Variants in TTN observed in about 807,000 individuals in gnomAD.
The protein encoded by TTN is titin, also known as connectin.
In TTN, 1,525 loss-of-function variants were observed where a neutral mutation model predicts 3,223.0. The ratio of observed to expected loss-of-function variants is 0.47; its 90% CI spans 0.45 to 0.49. The LOEUF (loss-of-function observed/expected upper bound fraction) is 0.49, where lower values mean the gene tolerates loss of function less well. TTN is among the 20% of genes least tolerant of loss of function. The probability of loss-of-function intolerance (pLI) is 0.00; values close to 1 mark genes in which losing one functional copy is unlikely to be tolerated. For missense variants in TTN, 40,786 were observed against 43,424.0 expected (o/e 0.94, Z 5.40); for synonymous variants, 14,094 against 15,161.0 (o/e 0.93, Z 5.17).
chr2:178,612,620 A>G (rs775592598), intron 265 of TTN, 44 bp from the exon 266 acceptor site: 4 of 1,571,984 alleles, frequency 2.5e-6, no homozygotes, highest in Non-Finnish European at 3.4e-6. Context: ...TTTTTTTATT[A>G]CCCAATAGTC....
intron 98 of TTN, 102 bp from the exon 99 acceptor site, chr2:178,709,958 A>C (rs2076418896): frequency 8.3e-7 from 1 of 1,207,960 alleles, no homozygotes. Flanking sequence ...TTAAAAATCA[A>C]GGCTAACCAA....
At chr2:178,682,606 A>C in intron 135 of TTN, 91 bp downstream of exon 135, 3 of 1,288,440 alleles carry the variant, frequency 2.3e-6, no homozygotes, top group Non-Finnish European at 3.1e-6. Flanking sequence ...TTGGGTATCC[A>C]AATTTTTATC....
chr2:178,724,422 C>T lies in TTN; in HGVS notation c.20953G>A (p.Gly6985Arg), dbSNP rs1451519377. 6.2e-7 allele frequency: 1 copy of T among 1,613,478 alleles called. No homozygotes were observed. Residue 6985 changes from glycine to arginine, a missense_variant, in exon 72 of 363, where the codon GGA becomes AGA. By Grantham distance (125) the Gly-to-Arg change is moderately radical. Transcript: ENST00000589042. ...TTTTGGCTGCTGGTCAACAGCTTTC[C>T]ATCCTTGTACCATTCAACAGAGAGT... Reference protein sequence around the residue: ...PELSVEWYKDGKLLTSSQKHK... With the variant: ...PELSVEWYKDRKLLTSSQKHK...
intron 9 of TTN, 147 bp from the exon 10 acceptor site, chr2:178,792,344 C>T: frequency 1.3e-6 from 1 of 793,736 alleles, no homozygotes; most frequent in Non-Finnish European, 1.9e-6. Context: ...ATCCCATGTT[C>T]ATAAATAAGA....
rs778236151 is a variant in TTN at position 178,589,031 on chromosome 2, A to C, written c.62694T>G (p.Asn20898Lys). 6.2e-7 allele frequency: 1 copy of C among 1,609,950 alleles called. No homozygotes were observed. The highest frequency in any genetic ancestry group is 8.5e-7 in the Non-Finnish European group (1 of 1,179,476). The change falls in exon 304 of 363, where the codon AAT becomes AAG. Residue 20898 changes from asparagine to lysine, a missense_variant. By Grantham distance (94) the Asn-to-Lys change is moderately conservative. Coordinates refer to ENST00000589042, the MANE Select transcript of TTN (RefSeq NM_001267550.2). Reference protein sequence around the residue: ...PEDDGGCEIQNYILEKCETKR... With the variant: ...PEDDGGCEIQKYILEKCETKR... ...TTGTCTCACATTTTTCTAGAATATA[A>C]TTTTGGATTTCACAGCCACCATCAT...
At chr2:178,690,213 A>G (rs1320789994) in intron 121 of TTN, among the ~76,000 whole-genome samples, 2 of 152,230 alleles carry the variant, frequency 1.3e-5, no homozygotes, top group Non-Finnish European at 1.5e-5. Flanking sequence ...GAATGTGGAT[A>G]TGGTATATAG....
chr2:178,608,458 A>C lies in TTN; in HGVS notation c.52425T>G (p.Asp17475Glu), dbSNP rs1176767614. Reference protein sequence around the residue: ...KDPFGPPDAPDKPIVEDVTSN... With the variant: ...KDPFGPPDAPEKPIVEDVTSN... ...TGGTAACATCTTCCACAATGGGCTT[A>C]TCTGGTGCATCAGGTGGTCCTGATA... is the stretch of plus-strand genomic sequence containing the variant. The change falls in exon 275 of 363, where the codon GAT (aspartate) becomes GAG (glutamate). Residue 17475 changes from aspartate to glutamate, a missense_variant. Asp to Glu is a conservative substitution (Grantham distance 45). Coordinates refer to ENST00000589042, the MANE Select transcript of TTN (RefSeq NM_001267550.2). 6.2e-7 allele frequency: 1 copy of C among 1,600,096 alleles called. No individual in the cohort carries two copies.
In TTN at chr2:178,718,307, T is replaced by G. The variant is rs780508456; in HGVS notation, c.24784+15A>C. 3.1e-6 allele frequency: 5 copies of G among 1,606,220 alleles called. No homozygotes were observed. Among genetic ancestry groups the G allele is most frequent in the Non-Finnish European group, 4.3e-6 (5 of 1,175,176 alleles). ...AAAGAAAGAGAGCAATAAAAAGAGG[T>G]AGCTGTCAACACACCTAAGACAGAC... On this transcript the variant is annotated intron_variant, in intron 85 of 362. Transcript: ENST00000589042.
chr2:178,701,682 T>G lies in TTN; in HGVS notation c.30539-95A>C, dbSNP rs77679712. 1,582 of 1,204,712 alleles carry G rather than the reference T, an allele frequency of 1.3e-3. 20 individuals are homozygous for G. The African/African-American group carries it at 0.019, about 15-fold the overall frequency. 74.6% of individuals were successfully genotyped at this position (1,204,712 alleles called of 1,614,324 possible). A position where few individuals can be genotyped will look rare whatever the true frequency, so the allele number is the denominator to read the frequency against. ...TTGATTTATTAGATCCTGAGATATG[T>G]CAGGCATATCTAATGGCAGAATCTA... On this transcript the variant is annotated intron_variant, in intron 109 of 362. Coordinates refer to ENST00000589042, the MANE Select transcript of TTN (RefSeq NM_001267550.2).
intron 215 of TTN, among the ~76,000 whole-genome samples, chr2:178,646,807 T>G (rs1266768780): frequency 1.3e-5 from 2 of 152,044 alleles, no homozygotes; most frequent in Non-Finnish European, 2.9e-5. Context: ...GTGTTATCAT[T>G]TGAGGATCCA....
At chr2:178,719,514 T>C (rs375987497) in intron 82 of TTN, 40 bp downstream of exon 82, 2 of 1,587,804 alleles carry the variant, frequency 1.3e-6, no homozygotes, top group Admixed American at 1.7e-5. Flanking sequence ...CTCCACCCCC[T>C]GGAAATATTG....
chr2:178,541,729 G>T, intron 349 of TTN, 145 bp from the exon 350 acceptor site: 1 of 511,426 alleles, frequency 2.0e-6, no homozygotes, highest in Non-Finnish European at 3.1e-6. Flanking sequence ...TTTCACTTTT[G>T]TACTATTTGT....
In TTN at chr2:178,593,164, A is replaced by G; in HGVS notation, c.59035+9T>C. ...ACATGAAAACTGAATAAATCCATTA[A>G]TACTATACCAATTGGATCTTTAGCA... On this transcript the variant is annotated intron_variant, in intron 299 of 362. Coordinates refer to ENST00000589042, the MANE Select transcript of TTN (RefSeq NM_001267550.2). The G allele has an allele frequency of 6.2e-7, 1 of 1,612,822 alleles. No homozygotes were observed. Among genetic ancestry groups the G allele is most frequent in the South Asian group, 1.1e-5 (1 of 90,968 alleles).
At position 178,575,398 on chromosome 2, in the gene TTN, CTG is replaced by C. The variant is rs755614038; in HGVS notation, c.70732_70733del (p.Gln23578ValfsTer19). On this transcript the variant is annotated frameshift_variant, in exon 326 of 363. Transcript: ENST00000589042. LOFTEE classifies it high-confidence loss of function. The surrounding 1 kb of genome is among the most constrained non-coding windows in gnomAD (Gnocchi z 4.0). ...VIEAQRKGSD[Q>X]WTHITTVKGL... is the part of the protein sequence containing the mutation. The stretch of plus-strand genomic sequence containing the variant: ...CTTTCACGGTTGTGATGTGGGTCCA[CTG>C]GTCAGAGCCTTTTCTTTGGGCTTCA... 2 of 1,613,618 alleles carry C rather than the reference CTG, an allele frequency of 1.2e-6. No individual in the cohort carries two copies. Among genetic ancestry groups the C allele is most frequent in the South Asian group, 2.2e-5 (2 of 91,078 alleles).
rs933543225 is a variant in TTN at position 178,640,053 on chromosome 2, T to A, written c.40781A>T (p.Glu13594Val). ...TTGAGGATAAGCTTGCTCACCTGCT[T>A]CGGGCTTTGGTTTCGGTTCAGGTGC... Reference protein sequence around the residue: ...LPAPEPKPKPEAEVKTIKPPP... With the variant: ...LPAPEPKPKPVAEVKTIKPPP... The change falls in exon 222 of 363, where the codon GAA (glutamate) becomes GTA (valine). Residue 13594 changes from glutamate to valine, a missense_variant. Transcript: ENST00000589042. 1 of 1,612,250 alleles carries A rather than the reference T, an allele frequency of 6.2e-7. No individual in the cohort carries two copies.
intron 98 of TTN, among the ~76,000 whole-genome samples, chr2:178,710,226 A>T (rs958902499): frequency 2.6e-5 from 4 of 152,194 alleles, no homozygotes; most frequent in Admixed American, 6.5e-5. Context: ...CGGGTGGATC[A>T]CTTGAGGTCA....
chr2:178,586,693 G>A lies in TTN; in HGVS notation c.64208C>T (p.Thr21403Ile), dbSNP rs2042996. The A allele has an allele frequency of 0.28, 443,918 of 1,612,818 alleles. 73,844 individuals are homozygous for A. Among genetic ancestry groups the A allele is most frequent in the East Asian group, 0.7 (31,187 of 44,726 alleles). ...AGGCTGCTCTTCTTCTCTGTAACTA[G>A]TGATGTAGCCATCGATTTTAGCACC... is the stretch of plus-strand genomic sequence containing the variant. ...DGGAKIDGYI[T>I]SYREEEQPAD... The change falls in exon 308 of 363, where the codon ACT becomes ATT. Residue 21403 changes from threonine to isoleucine, a missense_variant. Thr to Ile is a moderately conservative substitution (Grantham distance 89). Transcript: ENST00000589042.
rs397517663 is a variant in TTN, at chr2:178,800,390, C to T, written c.583+5G>A. 1.5e-5 allele frequency: 25 copies of T among 1,613,998 alleles called. No homozygotes were observed. The highest frequency in any genetic ancestry group is 5.3e-5 in the African/African-American group (4 of 74,928). Reference sequence around the variant, plus strand: ...TCTCTCTGTTCCTCAACCTCCAGCACGTACCTTGAACCAGTAATTCAGCAG... The same window carrying T: ...TCTCTCTGTTCCTCAACCTCCAGCATGTACCTTGAACCAGTAATTCAGCAG... On this transcript the variant is annotated splice_donor_5th_base_variant and intron_variant, in intron 4 of 362. Coordinates refer to ENST00000589042, the MANE Select transcript of TTN (RefSeq NM_001267550.2).
Position 178,647,090 on chromosome 2 carries a change from C to T in TTN, c.40196G>A (p.Gly13399Asp). 1 of 1,371,206 alleles carries T rather than the reference C, an allele frequency of 7.3e-7. No individual in the cohort carries two copies. 84.9% of individuals were successfully genotyped at this position (1,371,206 alleles called of 1,614,324 possible). A position where few individuals can be genotyped will look rare whatever the true frequency, so the allele number is the denominator to read the frequency against. Reference protein sequence around the residue: ...IYEEKASITIGRKETPPVEER... With the variant: ...IYEEKASITIDRKETPPVEER... ...TTCAACAGGGGGAGTCTCTTTTCTA[C>T]CAATGGTTATAGATGCTTTTTCTTC... is the stretch of plus-strand genomic sequence containing the variant. Residue 13399 changes from glycine to aspartate, a missense_variant, in exon 215 of 363, where the codon GGT becomes GAT. Transcript: ENST00000589042.
Sources: gnomAD v4.1 joint callset for allele counts (sites outside exome capture counted in the v4.1 genomes callset) on GRCh38, gnomAD v4.1.1 for gene constraint, Gnocchi (gnomAD v3.1) non-coding constraint, MANE v1.5 for transcripts, NCBI Gene and HGNC (gene_info 2026-07-23, HGNC 2026-07-21) for gene names.